Variants in UBE2D3 observed in about 807,000 individuals in gnomAD.
The protein encoded by UBE2D3 is ubiquitin conjugating enzyme E2 D3.
Under a neutral mutation model 22.8 loss-of-function variants are expected in UBE2D3, and 2 were observed. The ratio of observed to expected loss-of-function variants is 0.09; its 90% CI spans 0.04 to 0.28. The LOEUF (loss-of-function observed/expected upper bound fraction) is 0.28, where lower values mean the gene tolerates loss of function less well. UBE2D3 is among the 10% of genes least tolerant of loss of function. The pLI is 1.00. For synonymous variants in UBE2D3, 56 were observed against 60.4 expected (o/e 0.93, Z 0.34); for missense variants, 27 against 182.5 (o/e 0.15, Z 4.91).
chr4:102,810,595 G>T (rs1413431890), intron 2 of UBE2D3: 1 of 151,900 alleles, frequency 6.6e-6, no homozygotes, highest in African/African-American at 2.4e-5. Flanking sequence ...ACCAGGATGG[G>T]TCTCGATCTC....
chr4:102,805,861 A>T (rs223421), intron 4 of UBE2D3, among the ~76,000 whole-genome samples: 83,204 of 151,936 alleles, frequency 0.55, 23,382 homozygotes, highest in African/African-American at 0.68. Flanking sequence ...TTTCCTGTTT[A>T]TTAATAGCAA....
chr4:102,864,897 T>G (rs540752567), intron 1 of UBE2D3, among the ~76,000 whole-genome samples: 2 of 152,320 alleles, frequency 1.3e-5, no homozygotes, highest in South Asian at 4.1e-4. Context: ...TTGAGATAAG[T>G]GACATTACAA....
intron 1 of UBE2D3, chr4:102,843,725 T>C (rs1450318133): frequency 3.9e-5 from 6 of 152,338 alleles, no homozygotes; most frequent in Middle Eastern, 3.4e-3. Context: ...AGCATGCATA[T>C]GTCGTACCAA....
chr4:102,857,493 T>C (rs1732682586), intron 1 of UBE2D3, among the ~76,000 whole-genome samples: 1 of 152,054 alleles, frequency 6.6e-6, no homozygotes, highest in Admixed American at 6.6e-5. Context: ...AAAAACAATA[T>C]GCATAAAAAT....
At chr4:102,852,648 C>G (rs991258654) in intron 1 of UBE2D3, among the ~76,000 whole-genome samples, 16 of 152,262 alleles carry the variant, frequency 1.1e-4, no homozygotes, top group South Asian at 4.1e-4. Context: ...ATTCATTCTG[C>G]TGTTTTCCTA....
At chr4:102,821,106 G>A (rs1030919475) in intron 2 of UBE2D3, among the ~76,000 whole-genome samples, 1 of 152,052 alleles carries the variant, frequency 6.6e-6, no homozygotes, top group Non-Finnish European at 1.5e-5. Flanking sequence ...TAAGATATTT[G>A]GTGAATGCAT....
intron 1 of UBE2D3, among the ~76,000 whole-genome samples, chr4:102,836,166 T>TA (rs1400378283): frequency 1.3e-3 from 170 of 131,906 alleles, no homozygotes; most frequent in African/African-American, 1.7e-3. Flanking sequence ...TTTTTTTTTG[T>TA]GACTGAGTCT....
chr4:102,857,261 T>A (rs535929456), intron 1 of UBE2D3, among the ~76,000 whole-genome samples: 11 of 152,342 alleles, frequency 7.2e-5, no homozygotes, highest in African/African-American at 2.6e-4. Flanking sequence ...TAAAGCTTTG[T>A]ATAGAATATT....
chr4:102,798,297 T>TATATATATATATGC (rs1481588683), intron 7 of UBE2D3, among the ~76,000 whole-genome samples: 6 of 146,716 alleles, frequency 4.1e-5, no homozygotes, highest in African/African-American at 1.5e-4. Flanking sequence ...TATATATATA[T>TATATATATATATGC]GCACAGGAGA....
intron 1 of UBE2D3, among the ~76,000 whole-genome samples, chr4:102,867,980 A>C (rs1733235137): frequency 1.3e-5 from 2 of 151,814 alleles, no homozygotes; most frequent in South Asian, 4.2e-4. Context: ...TTCTTCTTCC[A>C]GTGTGGCCTA....
intron 2 of UBE2D3, among the ~76,000 whole-genome samples, chr4:102,817,112 T>C (rs1262834452): frequency 6.6e-6 from 1 of 152,050 alleles, no homozygotes; most frequent in East Asian, 1.9e-4. Context: ...GTAGAGAAAC[T>C]CAAAGTCAGG....
chr4:102,861,094 C>T (rs1266779958), intron 1 of UBE2D3, among the ~76,000 whole-genome samples: 2 of 152,078 alleles, frequency 1.3e-5, no homozygotes, highest in South Asian at 2.1e-4. Context: ...GGCGGCAACA[C>T]GCAAGGCTAG....
intron 4 of UBE2D3, among the ~76,000 whole-genome samples, chr4:102,803,735 A>C (rs1016498945): frequency 2.6e-5 from 4 of 152,214 alleles, no homozygotes; most frequent in Non-Finnish European, 5.9e-5. Flanking sequence ...TTAATGAAGA[A>C]TCAGGTTCAA....
intron 2 of UBE2D3, chr4:102,825,503 A>G: frequency 8.7e-7 from 1 of 1,154,014 alleles, no homozygotes; most frequent in Non-Finnish European, 1.1e-6. Flanking sequence ...GATGCCGGAA[A>G]GAGCCTGAAC....
At chr4:102,827,040 G>T in intron 1 of UBE2D3, 1 of 992,786 alleles carries the variant, frequency 1.0e-6, no homozygotes. Context: ...TTCGGTTTCT[G>T]TCCAAAGGTG....
At chr4:102,863,154 G>C (rs1222955738) in intron 1 of UBE2D3, among the ~76,000 whole-genome samples, 1 of 151,922 alleles carries the variant, frequency 6.6e-6, no homozygotes. Context: ...AGGATCAAGC[G>C]ATTCTCCTGC....
chr4:102,826,209 T>C (rs1375658125), intron 2 of UBE2D3, among the ~76,000 whole-genome samples: 2 of 151,628 alleles, frequency 1.3e-5, no homozygotes, highest in African/African-American at 4.9e-5. Flanking sequence ...AAAAATAAAA[T>C]AATAAAGGCG....
intron 7 of UBE2D3, 28 bp downstream of exon 7, chr4:102,799,379 T>A (rs1265578728): frequency 1.3e-6 from 2 of 1,594,174 alleles, no homozygotes; most frequent in Non-Finnish European, 1.7e-6. Flanking sequence ...GTAAAACCAC[T>A]TTTATAATAA....
chr4:102,832,484 A>T (rs1731167198), upstream of UBE2D3, among the ~76,000 whole-genome samples: 1 of 152,194 alleles, frequency 6.6e-6, no homozygotes, highest in Admixed American at 6.5e-5. Flanking sequence ...GGTAACTGTG[A>T]TAGCAATGTT....
Sources: allele counts gnomAD v4.1 joint callset (sites outside exome capture counted in the v4.1 genomes callset), GRCh38; gene constraint gnomAD v4.1.1; transcripts MANE v1.5; gene names NCBI Gene and HGNC (gene_info 2026-07-23, HGNC 2026-07-21).